The following SPI1 variants were observed in gnomAD, a reference collection of about 807,000 sequenced individuals.
SPI1 encodes Spi-1 proto-oncogene.
A neutral mutation model predicts 30.7 loss-of-function variants in SPI1; 3 were observed. The observed-to-expected ratio is 0.10, with a 90% CI of 0.04 to 0.25. SPI1 has a LOEUF of 0.25. Among genes scored for constraint, SPI1 ranks in the 10% least tolerant of loss-of-function variants. The probability of loss-of-function intolerance (pLI) is 1.00; values close to 1 mark genes in which losing one functional copy is unlikely to be tolerated. For missense variants in SPI1, 261 were observed against 371.5 expected (o/e 0.70, Z 2.45); for synonymous variants, 169 against 157.1 (o/e 1.08, Z -0.56).
In SPI1 at chr11:47,355,218, G is replaced by C; in HGVS notation, c.*9C>G. 7.4e-7 allele frequency: 1 copy of C among 1,358,276 alleles called. No homozygotes were observed. Among genetic ancestry groups the C allele is most frequent in the Non-Finnish European group, 9.4e-7 (1 of 1,061,810 alleles). The allele number at this position is 1,358,276 out of a possible 1,614,324, so 84.1% of individuals were successfully genotyped here. On this transcript the variant is annotated 3_prime_UTR_variant, in exon 5 of 5. Transcript: ENST00000378538. ...GGAGGCCTGGCGGGGCCCGGCGGGGGCTGCGGGCTCAGTGGGGCGGGTGGC... is the reference window on the plus strand; with the variant it reads ...GGAGGCCTGGCGGGGCCCGGCGGGGCCTGCGGGCTCAGTGGGGCGGGTGGC...
At chr11:47,358,465 C>T in intron 4 of SPI1, 1 of 644,974 alleles carries the variant, frequency 1.6e-6, no homozygotes, top group Non-Finnish European at 2.8e-6. Flanking sequence ...CACACCCACT[C>T]TCAGCCACAC....
At chr11:47,357,211 A>C (rs975262845) in intron 4 of SPI1, among the ~76,000 whole-genome samples, 2 of 150,618 alleles carry the variant, frequency 1.3e-5, no homozygotes, top group African/African-American at 2.4e-5. Context: ...ACATATCTGC[A>C]CACACACATG....
At chr11:47,369,120 C>A (rs190486561) in intron 2 of SPI1, among the ~76,000 whole-genome samples, 1 of 152,080 alleles carries the variant, frequency 6.6e-6, no homozygotes, top group East Asian at 1.9e-4. Context: ...GGTGTGGTGG[C>A]GCATGCCTGT....
chr11:47,362,675 A>G (rs916169973), intron 2 of SPI1, among the ~76,000 whole-genome samples: 5 of 149,036 alleles, frequency 3.4e-5, no homozygotes, highest in Non-Finnish European at 5.9e-5. Context: ...TCCCGGGTTC[A>G]AGTGATTCTC....
intron 2 of SPI1, among the ~76,000 whole-genome samples, chr11:47,369,462 C>T (rs999456638): frequency 7.9e-5 from 12 of 151,556 alleles, no homozygotes; most frequent in African/African-American, 2.9e-4. Context: ...CTGCTCTCCA[C>T]CCAGAGTGAC....
chr11:47,357,649 T>G (rs1226476159), intron 4 of SPI1, among the ~76,000 whole-genome samples: 2 of 152,134 alleles, frequency 1.3e-5, no homozygotes, highest in Non-Finnish European at 2.9e-5. Context: ...CACTGCAACC[T>G]CCACCTCCCG....
chr11:47,372,768 T>C (rs531560092), intron 2 of SPI1, among the ~76,000 whole-genome samples: 18 of 152,276 alleles, frequency 1.2e-4, no homozygotes, highest in Admixed American at 1.2e-3. Flanking sequence ...CTCTGCACGT[T>C]ACCTTACCTC....
chr11:47,358,795 C>T, intron 4 of SPI1, 49 bp downstream of exon 4: 1 of 1,538,754 alleles, frequency 6.5e-7, no homozygotes, highest in Non-Finnish European at 8.8e-7. Flanking sequence ...GGGGGCAGGG[C>T]ACAGACACGG....
chr11:47,359,035 C>A lies in SPI1; in HGVS notation c.331-29G>T. The A allele has an allele frequency of 6.6e-7, 1 of 1,514,362 alleles. No individual in the cohort carries two copies. The highest frequency in any genetic ancestry group is 1.4e-5 in the African/African-American group (1 of 71,900). 93.8% of individuals were successfully genotyped at this position (1,514,362 alleles called of 1,614,324 possible). On this transcript the variant is annotated intron_variant, in intron 3 of 4. Coordinates refer to ENST00000378538, the MANE Select transcript of SPI1 (RefSeq NM_003120.3). The surrounding 1 kb of genome is among the most constrained non-coding windows in gnomAD (Gnocchi z 5.1). ...GACGGTGGGGGAAGGAGATCAGAGT[C>A]AGGAAGGGCCAGCTTACAGCTCAGG...
At chr11:47,357,486 C>G (rs1031583521) in intron 4 of SPI1, among the ~76,000 whole-genome samples, 8 of 151,950 alleles carry the variant, frequency 5.3e-5, no homozygotes, top group Non-Finnish European at 1.2e-4. Context: ...AATGCTCACA[C>G]ACATTCTGCT....
At chr11:47,367,553 CA>C (rs368823506) in intron 2 of SPI1, among the ~76,000 whole-genome samples, 78 of 114,454 alleles carry the variant, frequency 6.8e-4, no homozygotes, top group Middle Eastern at 4.5e-3. Flanking sequence ...GACTCTGCCT[CA>C]AAAAAAAAAA....
chr11:47,372,222 A>G (rs959447193), intron 2 of SPI1, among the ~76,000 whole-genome samples: 8 of 151,338 alleles, frequency 5.3e-5, no homozygotes, highest in Non-Finnish European at 7.4e-5. Context: ...CTCCTGCCTC[A>G]GCCTCCCAAG....
rs1260746479 is a variant in SPI1, at chr11:47,374,597, C to A, written c.142+1036G>T. Among the ~76,000 whole-genome samples, 1 of 152,240 alleles carries A rather than the reference C, an allele frequency of 6.6e-6. No homozygotes were observed. The highest frequency in any genetic ancestry group is 2.4e-5 in the African/African-American group (1 of 41,458). On this transcript the variant is annotated intron_variant, in intron 2 of 4. Coordinates refer to ENST00000378538, the MANE Select transcript of SPI1 (RefSeq NM_003120.3). The surrounding 1 kb of genome is among the most constrained non-coding windows in gnomAD (Gnocchi z 4.5). ...TTCCTAGGCTGTGGGCCTCTGCCCTCTGAGGTGCAGACACCCCAGTCGCTG... is the reference window on the plus strand; with the variant it reads ...TTCCTAGGCTGTGGGCCTCTGCCCTATGAGGTGCAGACACCCCAGTCGCTG...
intron 2 of SPI1, among the ~76,000 whole-genome samples, chr11:47,360,948 C>T (rs981869598): frequency 4.0e-5 from 6 of 151,502 alleles, no homozygotes; most frequent in South Asian, 4.2e-4. Flanking sequence ...AGTGAAACCC[C>T]GTCTCTAGTA....
intron 2 of SPI1, among the ~76,000 whole-genome samples, chr11:47,362,951 A>G (rs989403097): frequency 8.5e-5 from 13 of 152,102 alleles, no homozygotes; most frequent in African/African-American, 2.4e-4. Context: ...AACTAAAAAA[A>G]AAAGCCTGGA....
chr11:47,357,406 C>G (rs959865561), intron 4 of SPI1, among the ~76,000 whole-genome samples: 8 of 152,094 alleles, frequency 5.3e-5, no homozygotes, highest in Non-Finnish European at 1.0e-4. Flanking sequence ...ACATTCTGCT[C>G]ATGCATATCC....
chr11:47,356,288 A>C (rs1449354677), intron 4 of SPI1, among the ~76,000 whole-genome samples: 1 of 147,680 alleles, frequency 6.8e-6, no homozygotes, highest in Non-Finnish European at 1.5e-5. Context: ...ACATGCTTGC[A>C]CCCACCCACA....
Position 47,359,562 on chromosome 11 carries a change from G to T in SPI1, c.330+291C>A, listed in dbSNP as rs1436501688. Among the ~76,000 whole-genome samples, 1 of 152,126 alleles carries T rather than the reference G, an allele frequency of 6.6e-6. No individual in the cohort carries two copies. Among genetic ancestry groups the T allele is most frequent in the Non-Finnish European group, 1.5e-5 (1 of 68,004 alleles). On this transcript the variant is annotated intron_variant, in intron 3 of 4. Transcript: ENST00000378538. The surrounding 1 kb of genome is among the most constrained non-coding windows in gnomAD (Gnocchi z 5.1). The stretch of plus-strand genomic sequence containing the variant: ...TGAGGGCTAGTGAATGGGGGTGGCA[G>T]ACAGTGAGGCCCAGGAGGGCCCACA...
At chr11:47,373,994 AC>A (rs552071125) in intron 2 of SPI1, among the ~76,000 whole-genome samples, 28 of 152,326 alleles carry the variant, frequency 1.8e-4, no homozygotes, top group Middle Eastern at 3.4e-3. Context: ...AAGGAAACGC[AC>A]CCAAGCCCAG....
Sources: allele counts gnomAD v4.1 joint callset (sites outside exome capture counted in the v4.1 genomes callset), GRCh38; gene constraint gnomAD v4.1.1; non-coding constraint Gnocchi (gnomAD v3.1); transcripts MANE v1.5; gene names NCBI Gene and HGNC (gene_info 2026-07-23, HGNC 2026-07-21).